Variants in PCDHGB4 observed in about 807,000 individuals in gnomAD.
The protein encoded by PCDHGB4 is protocadherin gamma-B4.
In PCDHGB4, 38 loss-of-function variants were observed where a neutral mutation model predicts 60.5. The ratio of observed to expected loss-of-function variants is 0.63; its 90% CI spans 0.48 to 0.82. The LOEUF (loss-of-function observed/expected upper bound fraction) is 0.82. PCDHGB4 is among the 40% of genes least tolerant of loss of function. PCDHGB4 has a pLI of 0.00. For synonymous variants in PCDHGB4, 456 were observed against 509.7 expected (o/e 0.89, Z 1.42); for missense variants, 1,109 against 1,209.6 (o/e 0.92, Z 1.23).
chr5:141,477,063 A>G lies in PCDHGB4; in HGVS notation c.2398-17744A>G, dbSNP rs2099404387. 6.2e-7 allele frequency: 1 copy of G among 1,614,248 alleles called. No individual in the cohort carries two copies. On this transcript the variant is annotated intron_variant, in intron 1 of 3. Coordinates refer to ENST00000519479, the MANE Select transcript of PCDHGB4 (RefSeq NM_003736.4). The surrounding 1 kb of genome is among the most constrained non-coding windows in gnomAD (Gnocchi z 4.9). Reference sequence around the variant, plus strand: ...GGTCGGCTGGACTTCGAGGACACCAAACTCCATGAGATTTACATCCAGGCC... The same window carrying G: ...GGTCGGCTGGACTTCGAGGACACCAGACTCCATGAGATTTACATCCAGGCC...
At chr5:141,393,944 A>G (rs756691407) in intron 1 of PCDHGB4, 3 of 1,613,998 alleles carry the variant, frequency 1.9e-6, no homozygotes, top group South Asian at 1.1e-5. Flanking sequence ...AAGACTCTGG[A>G]AAGAATGGTC....
chr5:141,427,978 T>C (rs750753961), intron 1 of PCDHGB4: 1 of 1,595,484 alleles, frequency 6.3e-7, no homozygotes, highest in African/African-American at 1.3e-5. Flanking sequence ...TACCCCGCGC[T>C]GGGGCCCGAT....
chr5:141,403,079 T>A (rs770770660), intron 1 of PCDHGB4: 1 of 1,614,064 alleles, frequency 6.2e-7, no homozygotes, highest in East Asian at 2.2e-5. Context: ...AGAAAAGGGC[T>A]ATATTGTGGG....
At chr5:141,428,187 C>A in intron 1 of PCDHGB4, 1 of 1,439,502 alleles carries the variant, frequency 6.9e-7, no homozygotes, top group Non-Finnish European at 9.6e-7. Flanking sequence ...GGACAGCCGC[C>A]GCTCTCTGCG....
rs1362496624 is a variant in PCDHGB4, at chr5:141,432,370, C to T, written c.2397+42089C>T. On this transcript the variant is annotated intron_variant, in intron 1 of 3. Coordinates refer to ENST00000519479, the MANE Select transcript of PCDHGB4 (RefSeq NM_003736.4). This position sits in a 1 kb window ranked among gnomAD's most constrained non-coding sequence, Gnocchi z 6.0. ...AAGTGAAAGTGATGGCGCGGGACAA[C>T]GGGCACCCGCCCCTCAGCAGCAACG... The T allele has an allele frequency of 6.2e-7, 1 of 1,614,240 alleles. No individual in the cohort carries two copies. Among genetic ancestry groups the T allele is most frequent in the Non-Finnish European group, 8.5e-7 (1 of 1,180,048 alleles).
chr5:141,398,107 A>C, intron 1 of PCDHGB4: 1 of 1,595,524 alleles, frequency 6.3e-7, no homozygotes, highest in Non-Finnish European at 8.5e-7. Flanking sequence ...GCTGGTGAGC[A>C]AGCTGAGGAG....
At chr5:141,503,607 A>G (rs141670522) in intron 2 of PCDHGB4, among the ~76,000 whole-genome samples, 63 of 151,996 alleles carry the variant, frequency 4.1e-4, no homozygotes, top group African/African-American at 1.4e-3. Flanking sequence ...TCAAAAAAAA[A>G]AAAAAAAGAA....
At chr5:141,415,095 C>T (rs1045755927) in intron 1 of PCDHGB4, 1 of 1,613,584 alleles carries the variant, frequency 6.2e-7, no homozygotes, top group Non-Finnish European at 8.5e-7. Context: ...TGGACAGAGA[C>T]GCGCTCAAGC....
At chr5:141,483,222 C>A (rs1011389295) in intron 1 of PCDHGB4, among the ~76,000 whole-genome samples, 4 of 152,078 alleles carry the variant, frequency 2.6e-5, no homozygotes, top group African/African-American at 9.7e-5. Context: ...ACAGTCACTG[C>A]AGAAATTTGA....
Position 141,491,730 on chromosome 5 carries a change from C to A in PCDHGB4, c.2398-3077C>A, listed in dbSNP as rs1346666614. ...GGGGCTCGGCGCCGCCCCGGGCGAC[C>A]CCTGGGGGCGGCACTGGAGAAGCCG... On this transcript the variant is annotated intron_variant, in intron 1 of 3. Coordinates refer to ENST00000519479, the MANE Select transcript of PCDHGB4 (RefSeq NM_003736.4). This position sits in a 1 kb window ranked among gnomAD's most constrained non-coding sequence, Gnocchi z 6.9. 3.1e-6 allele frequency: 5 copies of A among 1,603,920 alleles called. No individual in the cohort carries two copies. The East Asian group carries it at 6.7e-5, about 22-fold the overall frequency.
At chr5:141,422,936 C>A (rs1428873210) in intron 1 of PCDHGB4, 2 of 1,614,260 alleles carry the variant, frequency 1.2e-6, no homozygotes, top group East Asian at 4.5e-5. Flanking sequence ...GCCCTCCCCA[C>A]AGACGGCTCC....
chr5:141,445,276 C>T (rs761058385), intron 1 of PCDHGB4, among the ~76,000 whole-genome samples: 1 of 152,218 alleles, frequency 6.6e-6, no homozygotes, highest in Non-Finnish European at 1.5e-5. Flanking sequence ...AACCACTCTG[C>T]ATAAGTTCAG....
intron 1 of PCDHGB4, chr5:141,419,601 C>A (rs753678898): frequency 6.2e-7 from 1 of 1,611,818 alleles, no homozygotes; most frequent in Admixed American, 1.7e-5. Flanking sequence ...GTGCCGCGGG[C>A]CGCGCAGCCA....
intron 1 of PCDHGB4, among the ~76,000 whole-genome samples, chr5:141,469,852 C>T (rs529924249): frequency 1.3e-4 from 20 of 152,054 alleles, no homozygotes; most frequent in African/African-American, 4.8e-4. Flanking sequence ...AGATTCAGAC[C>T]GGGTGCAATG....
At chr5:141,501,333 A>ACC (rs1554187333) in intron 2 of PCDHGB4, among the ~76,000 whole-genome samples, 192 of 140,118 alleles carry the variant, frequency 1.4e-3, no homozygotes, top group Admixed American at 5.6e-3. Flanking sequence ...ACACACACAC[A>ACC]CCCCAAACTC....
In PCDHGB4 at chr5:141,432,908, C is replaced by T. The variant is rs757934634; in HGVS notation, c.2397+42627C>T. On this transcript the variant is annotated intron_variant, in intron 1 of 3. Transcript: ENST00000519479. This position sits in a 1 kb window ranked among gnomAD's most constrained non-coding sequence, Gnocchi z 6.0. Reference sequence around the variant, plus strand: ...CATCTTGCTGCTGGCGCTCAGGCTGCGGCGCTGGCACAAGTCACGCCTGCT... The same window carrying T: ...CATCTTGCTGCTGGCGCTCAGGCTGTGGCGCTGGCACAAGTCACGCCTGCT... 3.7e-5 allele frequency: 60 copies of T among 1,614,050 alleles called. No individual in the cohort carries two copies. Among genetic ancestry groups the T allele is most frequent in the Middle Eastern group, 3.3e-4 (2 of 6,082 alleles).
intron 1 of PCDHGB4, chr5:141,427,753 T>A (rs745532152): frequency 4.5e-6 from 6 of 1,322,510 alleles, no homozygotes; most frequent in Non-Finnish European, 6.4e-6. Flanking sequence ...TACTCCATCG[T>A]TACCACTGAC....
intron 1 of PCDHGB4, chr5:141,417,508 TATTTTGGCTGTCAACTCGTAG>T: frequency 4.2e-6 from 1 of 237,898 alleles, no homozygotes; most frequent in East Asian, 9.1e-5. Flanking sequence ...AAGATTAAAA[TATTTTGGCTGTCAACTCGTAG>T]TTTAAAAAAA....
intron 1 of PCDHGB4, among the ~76,000 whole-genome samples, chr5:141,460,979 GTGTGTATATA>G (rs143444831): frequency 0.04 from 5,417 of 134,264 alleles, 125 homozygotes; most frequent in South Asian, 0.082. Context: ...GTGTGTGTGT[GTGTGTATATA>G]TATATATGTG....
Sources: gnomAD v4.1 joint callset for allele counts (sites outside exome capture counted in the v4.1 genomes callset) on GRCh38, gnomAD v4.1.1 for gene constraint, Gnocchi (gnomAD v3.1) non-coding constraint, MANE v1.5 for transcripts, NCBI Gene and HGNC (gene_info 2026-07-23, HGNC 2026-07-21) for gene names.